AGBL1: variants seen among roughly 807,000 people sequenced by gnomAD.
The protein encoded by AGBL1 is cytosolic carboxypeptidase 4.
In AGBL1, 130 loss-of-function variants were observed where a neutral mutation model predicts 118.9. The ratio of observed to expected loss-of-function variants is 1.09; its 90% CI spans 0.95 to 1.26. The LOEUF (loss-of-function observed/expected upper bound fraction) is 1.26. AGBL1 is among the 50% of genes most tolerant of loss of function. The pLI, the probability that AGBL1 is intolerant of heterozygous loss-of-function variation, is 0.00. For synonymous variants in AGBL1, 555 were observed against 478.9 expected, an observed-to-expected ratio of 1.16 and a Z score of -2.08; for missense variants, 1,584 against 1,298.1, an observed-to-expected ratio of 1.22 and a Z score of -3.38.
chr15:86,300,546 A>G (rs1223059643), intron 17 of AGBL1, among the ~76,000 whole-genome samples: 1 of 152,170 alleles, frequency 6.6e-6, no homozygotes, highest in East Asian at 1.9e-4. Flanking sequence ...TCAAGAAACA[A>G]CAAAGGTGGC....
intron 5 of AGBL1, among the ~76,000 whole-genome samples, chr15:86,191,940 A>G (rs1375145895): frequency 1.3e-5 from 2 of 151,374 alleles, no homozygotes; most frequent in African/African-American, 4.8e-5. Context: ...AAAAACACAA[A>G]AAACACAAAA....
chr15:86,891,288 G>C (rs1369627859), intron 22 of AGBL1, among the ~76,000 whole-genome samples: 1 of 151,882 alleles, frequency 6.6e-6, no homozygotes, highest in Admixed American at 6.6e-5. Context: ...TTTTGGGCTG[G>C]ATGCTTTGAT....
intron 1 of AGBL1, among the ~76,000 whole-genome samples, chr15:86,101,600 A>C (rs1421073323): frequency 1.3e-5 from 2 of 149,620 alleles, no homozygotes; most frequent in Non-Finnish European, 3.0e-5. Context: ...TTGTTCAACT[A>C]ATTCCTTTAT....
At chr15:86,854,461 A>G (rs910503833) in intron 22 of AGBL1, among the ~76,000 whole-genome samples, 3 of 152,156 alleles carry the variant, frequency 2.0e-5, no homozygotes, top group Non-Finnish European at 4.4e-5. Context: ...AGGAGGCCCA[A>G]CTGGATGTGT....
chr15:86,841,559 A>G (rs1436636468), intron 22 of AGBL1, among the ~76,000 whole-genome samples: 5 of 152,178 alleles, frequency 3.3e-5, no homozygotes, highest in Non-Finnish European at 5.9e-5. Flanking sequence ...AGAGTCAGAA[A>G]AGTTGGCTGG....
intron 21 of AGBL1, among the ~76,000 whole-genome samples, chr15:86,656,938 C>G (rs1348978658): frequency 6.6e-6 from 1 of 152,166 alleles, no homozygotes; most frequent in Non-Finnish European, 1.5e-5. Flanking sequence ...TTTCTCTGCT[C>G]CCTTCCCTTA....
Position 86,522,828 on chromosome 15 carries a change from C to T in AGBL1, c.2574C>T (p.Ser858=), listed in dbSNP as rs201217861. 273 of 1,613,504 alleles carry T rather than the reference C, an allele frequency of 1.7e-4. 1 individual carries two copies. Among genetic ancestry groups the T allele is most frequent in the Middle Eastern group, 6.6e-4 (4 of 6,058 alleles). The change falls in exon 19 of 23, where the codon AGC becomes AGT. Residue 858 remains serine, a synonymous_variant. Coordinates refer to ENST00000614907, the MANE Select transcript of AGBL1 (RefSeq NM_001386094.1). ...CCTGTAGCCACAGATGCTCACTGAG[C>T]GGGGAAGATTTGAACAGACAATGGC... The part of the protein sequence containing the change: ...VINGNHRCSL[S]GEDLNRQWLS...
chr15:86,940,060 C>CTTTTTTTTTTTTTTTTTTTTTT (rs5814267), intron 23 of AGBL1, among the ~76,000 whole-genome samples: 1 of 59,418 alleles, frequency 1.7e-5, no homozygotes, highest in Non-Finnish European at 3.1e-5. Context: ...TTTGGTAGTC[C>CTTTTTTTTTTTTTTTTTTTTTT]TTTTTTTTTT....
rs184555324 is a variant in AGBL1, at chr15:86,125,568, T to C, written c.52-16436T>C. ...TTAATAAACAATTGATTAATGGATA[T>C]ATAGAAGGACAGACAATGGACATTC... On this transcript the variant is annotated intron_variant, in intron 1 of 22. Transcript: ENST00000614907. Among the ~76,000 whole-genome samples the C allele has an allele frequency of 1.1e-3, 170 of 152,336 alleles. 1 individual carries two copies. Among genetic ancestry groups the C allele is most frequent in the East Asian group, 7.7e-3 (40 of 5,186 alleles).
intron 21 of AGBL1, among the ~76,000 whole-genome samples, chr15:86,619,682 G>A (rs2084777956): frequency 6.6e-6 from 1 of 152,114 alleles, no homozygotes. Context: ...CTGGGCCACA[G>A]TGGCCATTAA....
chr15:86,189,832 A>G (rs2077691427), intron 5 of AGBL1, among the ~76,000 whole-genome samples: 1 of 152,168 alleles, frequency 6.6e-6, no homozygotes, highest in Admixed American at 6.5e-5. Flanking sequence ...ATAGGCTAAG[A>G]TGTAGAAGCG....
intron 17 of AGBL1, among the ~76,000 whole-genome samples, chr15:86,324,434 G>C (rs373129089): frequency 9.8e-4 from 149 of 152,210 alleles, no homozygotes; most frequent in African/African-American, 3.5e-3. Context: ...AGGAATCATA[G>C]TGAGTGAAGG....
chr15:86,924,018 C>T (rs1234753997), intron 23 of AGBL1, among the ~76,000 whole-genome samples: 1 of 152,206 alleles, frequency 6.6e-6, no homozygotes, highest in Non-Finnish European at 1.5e-5. Flanking sequence ...AAAGCAGTCT[C>T]CATAAATACG....
chr15:86,751,198 A>G (rs2141253725), intron 22 of AGBL1, among the ~76,000 whole-genome samples: 1 of 152,242 alleles, frequency 6.6e-6, no homozygotes, highest in East Asian at 1.9e-4. Flanking sequence ...AGGAATCACC[A>G]CACTGTCTTC....
At chr15:86,245,988 T>G (rs933453181) in intron 6 of AGBL1, among the ~76,000 whole-genome samples, 3 of 152,266 alleles carry the variant, frequency 2.0e-5, no homozygotes, top group Admixed American at 6.5e-5. Flanking sequence ...TGGGCTCAAG[T>G]GATTCTCCTG....
chr15:86,112,568 G>T (rs550483598), intron 1 of AGBL1, among the ~76,000 whole-genome samples: 3 of 152,280 alleles, frequency 2.0e-5, no homozygotes, highest in South Asian at 2.1e-4. Flanking sequence ...GAGGATCTTC[G>T]CAAATAAGAT....
rs549605592 is a variant in AGBL1, at chr15:86,497,561, C to T, written c.2556-25249C>T. 3.9e-5 allele frequency among the ~76,000 whole-genome samples: 6 copies of T among 152,060 alleles called. No individual in the cohort carries two copies. The South Asian group carries it at 1.2e-3, about 32-fold the overall frequency. ...CCTGTTTTTATTATGGGACCTCACC[C>T]TTCCCTCAGCTGTGTTCCATGCCCC... On this transcript the variant is annotated intron_variant, in intron 18 of 22. Coordinates refer to ENST00000614907, the MANE Select transcript of AGBL1 (RefSeq NM_001386094.1).
At chr15:86,820,973 A>T (rs1191844215) in intron 22 of AGBL1, among the ~76,000 whole-genome samples, 1 of 152,214 alleles carries the variant, frequency 6.6e-6, no homozygotes. Context: ...AATGTGGCAC[A>T]TGTACACCGT....
chr15:86,755,662 C>G lies in AGBL1; in HGVS notation c.3158+81226C>G, dbSNP rs913561756. ...CTTACTTTTGTGAATGTGTTGAGTT[C>G]TTGTCCTGTGCCTCTGTTCCTTCAT... On this transcript the variant is annotated intron_variant, in intron 22 of 22. Transcript: ENST00000614907. Among the ~76,000 whole-genome samples the G allele has an allele frequency of 2.0e-5, 3 of 152,232 alleles. 1 individual carries two copies. In the South Asian group the frequency reaches 6.2e-4, roughly 32 times the overall value.
Sources: gnomAD v4.1 joint callset for allele counts (sites outside exome capture counted in the v4.1 genomes callset) on GRCh38, gnomAD v4.1.1 for gene constraint, MANE v1.5 for transcripts, NCBI Gene and HGNC (gene_info 2026-07-23, HGNC 2026-07-21) for gene names.